Variants in PTPRT observed in about 807,000 individuals in gnomAD.
The protein encoded by PTPRT is receptor-type tyrosine-protein phosphatase T.
In PTPRT, 56 loss-of-function variants were observed where a neutral mutation model predicts 176.8. The ratio of observed to expected loss-of-function variants is 0.32; its 90% CI spans 0.26 to 0.40. The LOEUF (loss-of-function observed/expected upper bound fraction) is 0.40. Ranked by LOEUF, PTPRT falls within the 10% of genes least tolerant of loss-of-function variation. The probability of loss-of-function intolerance (pLI) is 1.00; values close to 1 mark genes in which losing one functional copy is unlikely to be tolerated. For missense variants in PTPRT, 1,540 were observed against 1,908.2 expected (o/e 0.81, Z 3.60); for synonymous variants, 783 against 739.0 (o/e 1.06, Z -0.96).
At chr20:42,484,312 G>A (rs2071433712) in intron 7 of PTPRT, among the ~76,000 whole-genome samples, 1 of 152,016 alleles carries the variant, frequency 6.6e-6, no homozygotes, top group South Asian at 2.1e-4. Flanking sequence ...AATAAGAAGT[G>A]GTTTGAGAAA....
At chr20:42,130,935 G>A (rs976167461) in intron 18 of PTPRT, among the ~76,000 whole-genome samples, 1 of 152,146 alleles carries the variant, frequency 6.6e-6, no homozygotes, top group Admixed American at 6.5e-5. Context: ...AGCCATATAG[G>A]TTATTATAAG....
intron 1 of PTPRT, among the ~76,000 whole-genome samples, chr20:43,069,540 G>T (rs776301462): frequency 6.6e-5 from 10 of 152,138 alleles, no homozygotes; most frequent in Non-Finnish European, 1.3e-4. Flanking sequence ...ATTCATCCCT[G>T]ATCTATCCTT....
At chr20:43,058,334 AAGTG>A in intron 1 of PTPRT, among the ~76,000 whole-genome samples, 1 of 151,890 alleles carries the variant, frequency 6.6e-6, no homozygotes, top group Non-Finnish European at 1.5e-5. Flanking sequence ...GAGGAAGAGA[AAGTG>A]AGTGGGGAGA....
In PTPRT at chr20:42,188,399, T is replaced by C. The variant is rs185582836; in HGVS notation, c.2491+10841A>G. On this transcript the variant is annotated intron_variant, in intron 16 of 30. Transcript: ENST00000373187. ...GCGTGATAGGTCCATCATGTGAAAC[T>C]AGGTTCAAGCCCTGGGCTTGGTTTC... 1.6e-4 allele frequency among the ~76,000 whole-genome samples: 24 copies of C among 151,514 alleles called. No individual in the cohort carries two copies. In the East Asian group the frequency reaches 4.1e-3, roughly 26 times the overall value.
chr20:42,263,732 C>T (rs1331701764), intron 13 of PTPRT, among the ~76,000 whole-genome samples: 1 of 149,970 alleles, frequency 6.7e-6, no homozygotes, highest in Middle Eastern at 3.2e-3. Context: ...ACTATATTGC[C>T]TAGGCTGATC....
chr20:42,355,525 G>C (rs1360219547), intron 9 of PTPRT, among the ~76,000 whole-genome samples: 1 of 152,200 alleles, frequency 6.6e-6, no homozygotes, highest in Non-Finnish European at 1.5e-5. Context: ...TCTAGGCAGA[G>C]GGAACCGCGT....
chr20:42,937,768 A>T (rs983599791), intron 1 of PTPRT, among the ~76,000 whole-genome samples: 3 of 152,238 alleles, frequency 2.0e-5, no homozygotes, highest in African/African-American at 7.2e-5. Flanking sequence ...CCCATTCACC[A>T]TCCATAATCA....
At chr20:42,524,960 C>T (rs1029627804) in intron 7 of PTPRT, among the ~76,000 whole-genome samples, 6 of 151,836 alleles carry the variant, frequency 4.0e-5, no homozygotes, top group Admixed American at 2.6e-4. Flanking sequence ...AAAAATATGC[C>T]TCCTCAACAT....
intron 7 of PTPRT, among the ~76,000 whole-genome samples, chr20:42,538,895 T>C (rs1348463568): frequency 6.6e-6 from 1 of 152,222 alleles, no homozygotes; most frequent in Non-Finnish European, 1.5e-5. Context: ...TCCTCCTGAA[T>C]CTTTGTTGCA....
chr20:42,610,347 T>C (rs900769839), intron 7 of PTPRT, among the ~76,000 whole-genome samples: 9 of 151,716 alleles, frequency 5.9e-5, no homozygotes, highest in African/African-American at 1.9e-4. Flanking sequence ...GTTAAGGACA[T>C]AAATATGTAG....
chr20:42,133,948 T>A (rs995464162), intron 18 of PTPRT, among the ~76,000 whole-genome samples: 29 of 152,188 alleles, frequency 1.9e-4, no homozygotes, highest in Non-Finnish European at 3.7e-4. Flanking sequence ...GCAGAGATAC[T>A]TAGAAACTTG....
At chr20:42,780,175 T>A (rs997885189) in intron 4 of PTPRT, 43 bp downstream of exon 4, 2 of 1,485,000 alleles carry the variant, frequency 1.3e-6, no homozygotes, top group African/African-American at 2.8e-5. Context: ...CTACCCAGTC[T>A]GGCATGGATC....
intron 7 of PTPRT, among the ~76,000 whole-genome samples, chr20:42,513,235 TGTG>T (rs2071992691): frequency 6.6e-6 from 1 of 151,434 alleles, no homozygotes; most frequent in Non-Finnish European, 1.5e-5. Flanking sequence ...TGTGTGTGTG[TGTG>T]TTTTCCAGGT....
intron 9 of PTPRT, among the ~76,000 whole-genome samples, chr20:42,422,955 A>T (rs1030026755): frequency 6.6e-6 from 1 of 152,136 alleles, no homozygotes; most frequent in Non-Finnish European, 1.5e-5. Context: ...CAGAAAACCA[A>T]ATACCACATG....
In PTPRT at chr20:42,147,773, G is replaced by A. The variant is rs188383487; in HGVS notation, c.2683-5771C>T. On this transcript the variant is annotated intron_variant, in intron 17 of 30. Coordinates refer to ENST00000373187, the MANE Select transcript of PTPRT (RefSeq NM_007050.6). Reference sequence around the variant, plus strand: ...GGAGCCTCTGTCTCCCTTAGTGGGGGCTGAAGGGGACCGAGTAGGCCTGGG... The same window carrying A: ...GGAGCCTCTGTCTCCCTTAGTGGGGACTGAAGGGGACCGAGTAGGCCTGGG... Among the ~76,000 whole-genome samples the A allele has an allele frequency of 2.6e-5, 4 of 152,298 alleles. No homozygotes were observed. In the East Asian group the frequency reaches 7.7e-4, roughly 29 times the overall value.
intron 8 of PTPRT, among the ~76,000 whole-genome samples, chr20:42,459,819 T>C (rs2070987804): frequency 6.7e-6 from 1 of 149,794 alleles, no homozygotes; most frequent in Non-Finnish European, 1.5e-5. Context: ...GCCTCCTGAG[T>C]AGCTGAGATC....
At chr20:43,168,616 T>C (rs941490812) in intron 1 of PTPRT, among the ~76,000 whole-genome samples, 2 of 152,104 alleles carry the variant, frequency 1.3e-5, no homozygotes, top group African/African-American at 4.8e-5. Flanking sequence ...AGAGTTAGGA[T>C]CAAGCAAAAT....
chr20:42,354,641 G>C (rs1177432139), intron 9 of PTPRT, among the ~76,000 whole-genome samples: 1 of 152,186 alleles, frequency 6.6e-6, no homozygotes, highest in Non-Finnish European at 1.5e-5. Context: ...TCATCCTCAA[G>C]TGACTTCCAT....
chr20:42,403,262 C>T (rs551316772), intron 9 of PTPRT, among the ~76,000 whole-genome samples: 1 of 152,188 alleles, frequency 6.6e-6, no homozygotes, highest in African/African-American at 2.4e-5. Flanking sequence ...TCTAATATTC[C>T]ATGGTATGCA....
Sources: gnomAD v4.1 joint callset for allele counts (sites outside exome capture counted in the v4.1 genomes callset) on GRCh38, gnomAD v4.1.1 for gene constraint, MANE v1.5 for transcripts, NCBI Gene and HGNC (gene_info 2026-07-23, HGNC 2026-07-21) for gene names.